The following THYN1 variants were observed in gnomAD, a reference collection of about 807,000 sequenced individuals.
THYN1 encodes thymocyte nuclear protein 1.
THYN1 carries 32 observed loss-of-function variants against 30.6 expected under a neutral mutation model. The ratio of observed to expected loss-of-function variants is 1.05; its 90% confidence interval spans 0.79 to 1.40. The LOEUF (loss-of-function observed/expected upper bound fraction) is 1.40. Among genes scored for constraint, THYN1 ranks in the 40% most tolerant of loss-of-function variants. The pLI, the probability that THYN1 is intolerant of heterozygous loss-of-function variation, is 0.00. For synonymous variants in THYN1, 107 were observed against 90.8 expected, an observed-to-expected ratio of 1.18 and a Z score of -1.01; for missense variants, 259 against 272.6, an observed-to-expected ratio of 0.95 and a Z score of 0.35.
Position 134,249,282 on chromosome 11 carries a change from T to C in THYN1, c.385-20A>G, listed in dbSNP as rs1321048257. On this transcript the variant is annotated intron_variant, in intron 4 of 6. Transcript: ENST00000341541. ...CACGATCTGAAACCAAAACAAAAGC[T>C]TTGAATCATCTGCCTGCAGTCAGCT... The C allele has an allele frequency of 1.2e-6, 2 of 1,612,556 alleles. No homozygotes were observed. Among genetic ancestry groups the C allele is most frequent in the Non-Finnish European group, 1.7e-6 (2 of 1,178,638 alleles).
intron 2 of THYN1, among the ~76,000 whole-genome samples, chr11:134,250,737 G>A (rs1320561687): frequency 6.6e-6 from 1 of 152,210 alleles, no homozygotes; most frequent in African/African-American, 2.4e-5. Flanking sequence ...GGTAACCTAA[G>A]ATTGAGGTTG....
chr11:134,248,859 T>C lies in THYN1; in HGVS notation c.581A>G (p.Asn194Ser). 6.2e-7 allele frequency: 1 copy of C among 1,614,236 alleles called. No homozygotes were observed. The highest frequency in any genetic ancestry group is 2.2e-5 in the East Asian group (1 of 44,884). Residue 194 changes from asparagine to serine, a missense_variant, in exon 6 of 7, where the codon AAT becomes AGT. Transcript: ENST00000341541. The part of the protein sequence containing the change: ...AHKATGGPLK[N>S]MVLFTRQRLS... The stretch of plus-strand genomic sequence containing the variant: ...TCTCTGGCGAGTGAAGAGAACCATA[T>C]TTTTTAAGGGGCCACCAGTAGCTTT...
chr11:134,250,201 C>T, intron 3 of THYN1, 74 bp downstream of exon 3: 1 of 1,548,058 alleles, frequency 6.5e-7, no homozygotes, highest in Non-Finnish European at 8.9e-7. Flanking sequence ...GGTTCTGCTA[C>T]TGAGTACGTC....
rs531939676 is a variant in THYN1 at position 134,248,387 on chromosome 11, G to A, written c.*51C>T. 2 of 1,610,944 alleles carry A rather than the reference G, an allele frequency of 1.2e-6. No homozygotes were observed. The highest frequency in any genetic ancestry group is 1.3e-5 in the African/African-American group (1 of 74,818). Reference sequence around the variant, plus strand: ...CCCTCACACCTTTTGTCTGAAAAAAGCTTGACTTCTTTGCAGCAATGTCTC... The same window carrying A: ...CCCTCACACCTTTTGTCTGAAAAAAACTTGACTTCTTTGCAGCAATGTCTC... On this transcript the variant is annotated 3_prime_UTR_variant, in exon 7 of 7. Transcript: ENST00000341541.
intron 6 of THYN1, 41 bp from the exon 7 acceptor site, chr11:134,248,525 T>C (rs749738565): frequency 1.1e-5 from 17 of 1,609,928 alleles, no homozygotes; most frequent in Non-Finnish European, 1.4e-5. Flanking sequence ...TAGTTTTTAA[T>C]GTCCCCTCTT....
chr11:134,249,045 A>G (rs1471799541), intron 5 of THYN1, 86 bp from the exon 6 acceptor site: 5 of 1,570,052 alleles, frequency 3.2e-6, no homozygotes, highest in Non-Finnish European at 3.5e-6. Flanking sequence ...GGAAGCTCCT[A>G]TCTCAGTATC....
chr11:134,251,398 A>T, intron 1 of THYN1, 90 bp from the exon 2 acceptor site: 1 of 1,388,588 alleles, frequency 7.2e-7, no homozygotes, highest in Non-Finnish European at 9.8e-7. Flanking sequence ...TCAGACCTGG[A>T]TTCAAATCAT....
intron 1 of THYN1, 44 bp downstream of exon 1, chr11:134,252,796 A>G: frequency 6.2e-7 from 1 of 1,612,116 alleles, no homozygotes; most frequent in Non-Finnish European, 8.5e-7. Context: ...CTTCGAGAAA[A>G]GTTTTTTCTT....
Position 134,252,894 on chromosome 11 carries a change from A to G in THYN1, c.-12T>C, listed in dbSNP as rs753938068. 2 of 1,584,006 alleles carry G rather than the reference A, an allele frequency of 1.3e-6. No individual in the cohort carries two copies. The highest frequency in any genetic ancestry group is 1.2e-5 in the South Asian group (1 of 86,904). Reference sequence around the variant, plus strand: ...CGGGGTCTCGACATGGTCACGCTGCAGGGGACTTTAGTGCGGACGATTCTG... The same window carrying G: ...CGGGGTCTCGACATGGTCACGCTGCGGGGGACTTTAGTGCGGACGATTCTG... On this transcript the variant is annotated 5_prime_UTR_variant, in exon 1 of 7. Coordinates refer to ENST00000341541, the MANE Select transcript of THYN1 (RefSeq NM_014174.3).
chr11:134,248,476 CAA>C lies in THYN1; in HGVS notation c.638_639del (p.Phe213Ter). Reference protein sequence around the residue: ...LSIQPLTQEEFDFVLSLEEKE... With the variant: ...LSIQPLTQEEXDFVLSLEEKE... ...TTTTCCTCCAGGCTCAAAACAAAATCAAACTCTTCTACAAAAAAAAAAGGGAA... is the reference window on the plus strand; with the variant it reads ...TTTTCCTCCAGGCTCAAAACAAAATCACTCTTCTACAAAAAAAAAAGGGAA... On this transcript the variant is annotated frameshift_variant, in exon 7 of 7. Coordinates refer to ENST00000341541, the MANE Select transcript of THYN1 (RefSeq NM_014174.3). LOFTEE classifies it high-confidence loss of function. 1 of 1,612,428 alleles carries C rather than the reference CAA, an allele frequency of 6.2e-7. No individual in the cohort carries two copies. The highest frequency in any genetic ancestry group is 8.5e-7 in the Non-Finnish European group (1 of 1,179,590).
rs1161544648 is a variant in THYN1, at chr11:134,252,752, AAGC to A, written c.43+85_43+87del. The A allele has an allele frequency of 2.1e-6, 3 of 1,452,908 alleles. No homozygotes were observed. In the African/African-American group the frequency reaches 4.2e-5, roughly 20 times the overall value. 90.0% of individuals were successfully genotyped at this position (1,452,908 alleles called of 1,614,324 possible). On this transcript the variant is annotated intron_variant, in intron 1 of 6. Transcript: ENST00000341541. ...AAAAATATCACAAAGGGTTCTCAAA[AAGC>A]AGGGAGTGAAAAATGAGTACTAAAC...
Position 134,251,274 on chromosome 11 carries a change from C to T in THYN1, c.78G>A (p.Glu26=). The change falls in exon 2 of 7, where the codon GAG becomes GAA. Residue 26 remains glutamate, a synonymous_variant. Coordinates refer to ENST00000341541, the MANE Select transcript of THYN1 (RefSeq NM_014174.3). ...CTTTAGCTAATGCCTCACCTGAGTT[C>T]TCAGTTTTGGTGCGTTTTCCTGATA... ...KGLSGKRTKT[E]NSGEALAKVE... 5 of 1,613,734 alleles carry T rather than the reference C, an allele frequency of 3.1e-6. No individual in the cohort carries two copies. Among genetic ancestry groups the T allele is most frequent in the South Asian group, 1.1e-5 (1 of 90,980 alleles).
chr11:134,251,601 T>A, intron 1 of THYN1: 1 of 307,076 alleles, frequency 3.3e-6, no homozygotes, highest in East Asian at 5.9e-5. Context: ...TTCCTCACTC[T>A]CTCTTCTATG....
At chr11:134,249,728 T>C in intron 4 of THYN1, 100 bp downstream of exon 4, 1 of 1,110,878 alleles carries the variant, frequency 9.0e-7, no homozygotes, top group Non-Finnish European at 1.3e-6. Flanking sequence ...TGGGGGGGAG[T>C]GTACTTTTTT....
chr11:134,251,355 A>G lies in THYN1; in HGVS notation c.44-47T>C, dbSNP rs766724956. Reference sequence around the variant, plus strand: ...GAAAAGATCATGCTTGTTAAAGGCAATGTTTCATAATGGAAAAAGCTTAGC... The same window carrying G: ...GAAAAGATCATGCTTGTTAAAGGCAGTGTTTCATAATGGAAAAAGCTTAGC... On this transcript the variant is annotated intron_variant, in intron 1 of 6. Coordinates refer to ENST00000341541, the MANE Select transcript of THYN1 (RefSeq NM_014174.3). The G allele has an allele frequency of 3.9e-6, 6 of 1,558,106 alleles. No homozygotes were observed. The African/African-American group carries it at 6.9e-5, about 18-fold the overall frequency.
At position 134,251,195 on chromosome 11, in the gene THYN1, G is replaced by T; in HGVS notation, c.157C>A (p.Leu53Ile). Residue 53 changes from leucine to isoleucine, a missense_variant, in exon 2 of 7, where the codon CTA (leucine) becomes ATA (isoleucine). Transcript: ENST00000341541. ...TSATKNCLKN[L>I]SSHWLMKSEP... ...GACTTCATCAGCCAGTGGCTGCTTA[G>T]ATTCTTCAAACAGTTTTTAGTGGCT... is the stretch of plus-strand genomic sequence containing the variant. 1 of 1,614,214 alleles carries T rather than the reference G, an allele frequency of 6.2e-7. No individual in the cohort carries two copies. Among genetic ancestry groups the T allele is most frequent in the Non-Finnish European group, 8.5e-7 (1 of 1,180,032 alleles).
In THYN1 at chr11:134,253,073, G is replaced by A. The variant is rs1212799326; in HGVS notation, c.-191C>T. ...TCAAATCCTTCCCTCCGTTATCTGC[G>A]CCATTTCCATCTCGCATAACCTGCC... is the stretch of plus-strand genomic sequence containing the variant. On this transcript the variant is annotated 5_prime_UTR_variant, in exon 1 of 7. Transcript: ENST00000341541. The A allele has an allele frequency of 2.9e-6, 4 of 1,381,246 alleles. No individual in the cohort carries two copies. Among genetic ancestry groups the A allele is most frequent in the Non-Finnish European group, 1.9e-6 (2 of 1,073,346 alleles). The allele number at this position is 1,381,246 out of a possible 1,614,324, so 85.6% of individuals were successfully genotyped here. A position where few individuals can be genotyped will look rare whatever the true frequency, so the allele number is the denominator to read the frequency against.
At position 134,253,099 on chromosome 11, in the gene THYN1, C is replaced by T; in HGVS notation, c.-217G>A. The T allele has an allele frequency of 8.0e-6, 11 of 1,380,866 alleles. No individual in the cohort carries two copies. Among genetic ancestry groups the T allele is most frequent in the Non-Finnish European group, 1.0e-5 (11 of 1,073,732 alleles). 85.5% of individuals were successfully genotyped at this position (1,380,866 alleles called of 1,614,324 possible). ...CCATTTCCATCTCGCATAACCTGCC[C>T]CTAAACTCTTCTCGGTTCTGTCCTT... On this transcript the variant is annotated 5_prime_UTR_variant, in exon 1 of 7. Transcript: ENST00000341541.
intron 6 of THYN1, 40 bp from the exon 7 acceptor site, chr11:134,248,524 A>G (rs1215800932): frequency 1.2e-6 from 2 of 1,611,028 alleles, no homozygotes; most frequent in Admixed American, 3.3e-5. Flanking sequence ...TTAGTTTTTA[A>G]TGTCCCCTCT....
Sources: gnomAD v4.1 joint callset for allele counts (sites outside exome capture counted in the v4.1 genomes callset) on GRCh38, gnomAD v4.1.1 for gene constraint, MANE v1.5 for transcripts, NCBI Gene and HGNC (gene_info 2026-07-23, HGNC 2026-07-21) for gene names.